Variants in PLXDC2 observed in about 807,000 individuals in gnomAD.
The protein encoded by PLXDC2 is plexin domain containing 2.
PLXDC2 carries 40 observed loss-of-function variants against 68.9 expected under a neutral mutation model. The ratio of observed to expected loss-of-function variants is 0.58; its 90% CI spans 0.45 to 0.76. PLXDC2 has a LOEUF of 0.76. Ranked by LOEUF, PLXDC2 falls within the 30% of genes least tolerant of loss-of-function variation. The pLI, the probability that PLXDC2 is intolerant of heterozygous loss-of-function variation, is 0.00. For synonymous variants in PLXDC2, 243 were observed against 234.2 expected (o/e 1.04, Z -0.34); for missense variants, 644 against 661.9 (o/e 0.97, Z 0.30).
intron 13 of PLXDC2, among the ~76,000 whole-genome samples, chr10:20,279,052 G>C (rs914503297): frequency 6.6e-5 from 10 of 152,064 alleles, no homozygotes; most frequent in African/African-American, 2.4e-4. Context: ...TACAATATTT[G>C]TTTCATAAGC....
intron 1 of PLXDC2, among the ~76,000 whole-genome samples, chr10:19,881,067 C>A (rs1362596182): frequency 6.6e-6 from 1 of 152,048 alleles, no homozygotes; most frequent in African/African-American, 2.4e-5. Context: ...TCCAATATCC[C>A]AGTTACCTCC....
chr10:19,982,777 A>G (rs1226555572), intron 1 of PLXDC2, among the ~76,000 whole-genome samples: 3 of 152,162 alleles, frequency 2.0e-5, no homozygotes, highest in Admixed American at 6.5e-5. Context: ...GATACACAAT[A>G]TAGGATTATA....
intron 3 of PLXDC2, among the ~76,000 whole-genome samples, chr10:20,061,548 C>G (rs1836103383): frequency 6.6e-6 from 1 of 152,128 alleles, no homozygotes; most frequent in Non-Finnish European, 1.5e-5. Flanking sequence ...TGTCTTTTCA[C>G]TGTAAAGCTA....
intron 12 of PLXDC2, among the ~76,000 whole-genome samples, chr10:20,230,997 A>G (rs1292170714): frequency 6.6e-6 from 1 of 151,668 alleles, no homozygotes; most frequent in Non-Finnish European, 1.5e-5. Context: ...TATAATGTCT[A>G]TTGATAAGAA....
At chr10:19,932,765 C>G (rs1224497357) in intron 1 of PLXDC2, among the ~76,000 whole-genome samples, 1 of 152,094 alleles carries the variant, frequency 6.6e-6, no homozygotes, top group Admixed American at 6.5e-5. Flanking sequence ...AAACCACATT[C>G]TTTCTGAGCA....
chr10:19,878,553 T>C lies in PLXDC2; in HGVS notation c.112+61362T>C, dbSNP rs546557275. On this transcript the variant is annotated intron_variant, in intron 1 of 13. Transcript: ENST00000377252. ...TTCCCAAAGAAAGTCTTTGGATAAC[T>C]ATAGTAGTCAATTCTAGGCAAACTC... 3.3e-5 allele frequency among the ~76,000 whole-genome samples: 5 copies of C among 152,332 alleles called. No individual in the cohort carries two copies. The South Asian group carries it at 1.0e-3, about 32-fold the overall frequency.
chr10:20,016,729 G>A (rs1010206842), intron 2 of PLXDC2, among the ~76,000 whole-genome samples: 4 of 152,148 alleles, frequency 2.6e-5, no homozygotes, highest in Middle Eastern at 3.2e-3. Flanking sequence ...CAAAGCTCAA[G>A]CTACCTGCAC....
chr10:20,046,846 T>C, intron 2 of PLXDC2, 23 bp from the exon 3 acceptor site: 1 of 1,571,442 alleles, frequency 6.4e-7, no homozygotes, highest in Non-Finnish European at 8.6e-7. Context: ...GTTCTTGATA[T>C]ACATTATTAT....
chr10:19,907,373 G>A (rs78716137), intron 1 of PLXDC2, among the ~76,000 whole-genome samples: 1 of 152,064 alleles, frequency 6.6e-6, no homozygotes, highest in African/African-American at 2.4e-5. Context: ...TGTTTATGAT[G>A]TCCTCACCCT....
At chr10:19,901,863 A>G (rs143500732) in intron 1 of PLXDC2, among the ~76,000 whole-genome samples, 3,691 of 152,246 alleles carry the variant, frequency 0.024, 154 homozygotes, top group African/African-American at 0.084. Context: ...AAGGTGAGAG[A>G]TGAGGATCCA....
rs183477793 is a variant in PLXDC2 at position 20,268,641 on chromosome 10, C to A, written c.1474-11062C>A. 3.9e-5 allele frequency among the ~76,000 whole-genome samples: 6 copies of A among 152,264 alleles called. No individual in the cohort carries two copies. The South Asian group carries it at 8.3e-4, about 21-fold the overall frequency. The stretch of plus-strand genomic sequence containing the variant: ...ATTCCTAGGGTCACTGCTGATTAGA[C>A]CTTAACTTGCCAGATTTCTTGAGCT... On this transcript the variant is annotated intron_variant, in intron 13 of 13. Transcript: ENST00000377252.
intron 3 of PLXDC2, among the ~76,000 whole-genome samples, chr10:20,052,722 C>CAAAAAAAAAAAAAAAAAA (rs59776582): frequency 2.2e-5 from 2 of 92,810 alleles, no homozygotes; most frequent in East Asian, 3.0e-4. Context: ...ACAAATTATG[C>CAAAAAAAAAAAAAAAAAA]AAAAAAAAAA....
At chr10:20,041,273 G>A (rs996068096) in intron 2 of PLXDC2, among the ~76,000 whole-genome samples, 1 of 152,118 alleles carries the variant, frequency 6.6e-6, no homozygotes, top group Admixed American at 6.6e-5. Context: ...TATGTGTGTT[G>A]CCTATATAGT....
intron 12 of PLXDC2, among the ~76,000 whole-genome samples, chr10:20,243,761 G>A (rs1243487477): frequency 6.6e-6 from 1 of 152,066 alleles, no homozygotes; most frequent in Non-Finnish European, 1.5e-5. Context: ...AGGTAAATTG[G>A]TCATGAAATT....
chr10:19,839,173 C>A (rs1446740778), intron 1 of PLXDC2, among the ~76,000 whole-genome samples: 2 of 141,494 alleles, frequency 1.4e-5, no homozygotes, highest in African/African-American at 2.6e-5. Flanking sequence ...GAGACAAGAG[C>A]GAAACTCAGT....
At chr10:20,054,692 G>A (rs763003914) in intron 3 of PLXDC2, among the ~76,000 whole-genome samples, 43 of 151,954 alleles carry the variant, frequency 2.8e-4, no homozygotes, top group Non-Finnish European at 5.4e-4. Context: ...ATCACACACC[G>A]GGGCCTATTG....
In PLXDC2 at chr10:19,859,839, C is replaced by T. The variant is rs189430519; in HGVS notation, c.112+42648C>T. ...CTTCCTCTCCTGGGTTCAAGCGATT[C>T]TCGTGCCTCAGTCTCCCAAGTAGCT... On this transcript the variant is annotated intron_variant, in intron 1 of 13. Coordinates refer to ENST00000377252, the MANE Select transcript of PLXDC2 (RefSeq NM_032812.9). Among the ~76,000 whole-genome samples the T allele has an allele frequency of 4.6e-3, 699 of 152,250 alleles. 6 individuals carry two copies. The highest frequency in any genetic ancestry group is 0.015 in the African/African-American group (638 of 41,534).
At chr10:19,884,860 A>G (rs1439204031) in intron 1 of PLXDC2, among the ~76,000 whole-genome samples, 6 of 152,190 alleles carry the variant, frequency 3.9e-5, no homozygotes, top group Admixed American at 6.5e-5. Flanking sequence ...TCCTTTGGGT[A>G]TATACCCAGT....
At chr10:19,856,615 T>C (rs1837219515) in intron 1 of PLXDC2, among the ~76,000 whole-genome samples, 1 of 152,180 alleles carries the variant, frequency 6.6e-6, no homozygotes, top group Non-Finnish European at 1.5e-5. Flanking sequence ...TTGATGCTCA[T>C]TTCGTCTTTT....
Sources: gnomAD v4.1 joint callset for allele counts (sites outside exome capture counted in the v4.1 genomes callset) on GRCh38, gnomAD v4.1.1 for gene constraint, MANE v1.5 for transcripts, NCBI Gene and HGNC (gene_info 2026-07-23, HGNC 2026-07-21) for gene names.